TMEM132D: variants seen among roughly 807,000 people sequenced by gnomAD.
The protein encoded by TMEM132D is mature OL transmembrane protein.
Under a neutral mutation model 62.3 loss-of-function variants are expected in TMEM132D, and 21 were observed. That is an observed-to-expected ratio of 0.34 (90% CI 0.24 to 0.49). TMEM132D has a LOEUF of 0.49. Ranked by LOEUF, TMEM132D falls within the 20% of genes least tolerant of loss-of-function variation. The pLI is 0.99. For missense variants in TMEM132D, 1,346 were observed against 1,402.8 expected (o/e 0.96, Z 0.65); for synonymous variants, 621 against 575.6 (o/e 1.08, Z -1.13).
chr12:129,338,666 T>C (rs1476727530), intron 3 of TMEM132D, among the ~76,000 whole-genome samples: 3 of 152,210 alleles, frequency 2.0e-5, no homozygotes, highest in Non-Finnish European at 2.9e-5. Context: ...GAGGTACTTT[T>C]TAAAGCCTCA....
At chr12:129,674,190 G>A (rs1246232129) in intron 2 of TMEM132D, among the ~76,000 whole-genome samples, 1 of 152,178 alleles carries the variant, frequency 6.6e-6, no homozygotes, top group African/African-American at 2.4e-5. Context: ...TAATTCCGGA[G>A]GCATCAAAGA....
intron 4 of TMEM132D, among the ~76,000 whole-genome samples, chr12:129,282,757 C>G (rs899951160): frequency 6.6e-6 from 1 of 152,114 alleles, no homozygotes; most frequent in Non-Finnish European, 1.5e-5. Context: ...GACGGTTGTA[C>G]CCAGGAGACC....
At chr12:129,097,965 T>G (rs544088772) in intron 5 of TMEM132D, among the ~76,000 whole-genome samples, 9 of 152,246 alleles carry the variant, frequency 5.9e-5, no homozygotes, top group Non-Finnish European at 1.3e-4. Context: ...ACCTTTGGTG[T>G]TGTATCTGGA....
intron 3 of TMEM132D, among the ~76,000 whole-genome samples, chr12:129,497,162 G>C (rs542518329): frequency 6.6e-6 from 1 of 152,212 alleles, no homozygotes; most frequent in South Asian, 2.1e-4. Flanking sequence ...ACAAATATTA[G>C]CTGGGCGTGG....
chr12:129,261,369 G>A (rs60373958), intron 4 of TMEM132D, among the ~76,000 whole-genome samples: 3,013 of 152,224 alleles, frequency 0.02, 108 homozygotes, highest in African/African-American at 0.069. Context: ...GTCTCATGAG[G>A]TCTAATGGTT....
chr12:129,124,357 G>A (rs922703005), intron 5 of TMEM132D, among the ~76,000 whole-genome samples: 4 of 152,072 alleles, frequency 2.6e-5, no homozygotes, highest in Non-Finnish European at 4.4e-5. Flanking sequence ...ACATTTATGT[G>A]CATAAATGTT....
chr12:129,210,852 G>GAAA (rs1230522541), intron 4 of TMEM132D: 1 of 151,932 alleles, frequency 6.6e-6, no homozygotes, highest in Non-Finnish European at 1.5e-5. Flanking sequence ...CTTTTTTCAG[G>GAAA]CACACCTATG....
chr12:129,329,585 G>A (rs1042523988), intron 4 of TMEM132D, among the ~76,000 whole-genome samples: 3 of 152,170 alleles, frequency 2.0e-5, no homozygotes, highest in African/African-American at 7.2e-5. Context: ...GATCTTAGTG[G>A]GTGACTGTCA....
At chr12:129,424,846 A>T (rs958499046) in intron 3 of TMEM132D, among the ~76,000 whole-genome samples, 26 of 152,158 alleles carry the variant, frequency 1.7e-4, no homozygotes, top group African/African-American at 6.0e-4. Context: ...GTATAAAAAG[A>T]CTTTAAACTC....
At chr12:129,329,496 C>T (rs779602180) in intron 4 of TMEM132D, among the ~76,000 whole-genome samples, 1 of 152,050 alleles carries the variant, frequency 6.6e-6, no homozygotes, top group South Asian at 2.1e-4. Flanking sequence ...TGCTTTTATG[C>T]CAAAAATTCA....
chr12:129,615,127 G>A (rs1490878750), intron 2 of TMEM132D, among the ~76,000 whole-genome samples: 2 of 152,058 alleles, frequency 1.3e-5, no homozygotes, highest in African/African-American at 4.8e-5. Context: ...ACTGTCACAG[G>A]GCACAAACAC....
intron 1 of TMEM132D, among the ~76,000 whole-genome samples, chr12:129,901,185 G>A (rs1275846115): frequency 2.0e-5 from 3 of 152,196 alleles, no homozygotes; most frequent in Non-Finnish European, 2.9e-5. Context: ...GTGTGTGTCT[G>A]TGTGTTTACT....
chr12:129,369,851 G>T (rs975451513), intron 3 of TMEM132D, among the ~76,000 whole-genome samples: 2 of 152,188 alleles, frequency 1.3e-5, no homozygotes, highest in East Asian at 3.8e-4. Context: ...AGCAATTTTC[G>T]CATGCTTGTA....
chr12:129,590,379 A>G (rs1878155173), intron 2 of TMEM132D, among the ~76,000 whole-genome samples: 1 of 152,104 alleles, frequency 6.6e-6, no homozygotes, highest in African/African-American at 2.4e-5. Context: ...TTCTAATACA[A>G]TCACCATGCA....
chr12:129,430,464 T>C (rs1341017047), intron 3 of TMEM132D, among the ~76,000 whole-genome samples: 1 of 152,212 alleles, frequency 6.6e-6, no homozygotes, highest in Non-Finnish European at 1.5e-5. Context: ...CATTATAGAT[T>C]CTGCATATTA....
chr12:129,460,662 A>T (rs1284476160), intron 3 of TMEM132D, among the ~76,000 whole-genome samples: 3 of 152,206 alleles, frequency 2.0e-5, no homozygotes, highest in Non-Finnish European at 2.9e-5. Flanking sequence ...CCTATTAAAA[A>T]GTTTGCATTC....
At chr12:129,508,243 T>G (rs1223646353) in intron 3 of TMEM132D, among the ~76,000 whole-genome samples, 2 of 152,154 alleles carry the variant, frequency 1.3e-5, no homozygotes, top group African/African-American at 2.4e-5. Context: ...TACAATCCAT[T>G]GAAACCATCA....
intron 5 of TMEM132D, among the ~76,000 whole-genome samples, chr12:129,144,104 C>G (rs1373053977): frequency 6.6e-6 from 1 of 152,036 alleles, no homozygotes; most frequent in Admixed American, 6.6e-5. Context: ...ACTTCTAGCC[C>G]TGTGGTTTAG....
chr12:129,665,754 T>G (rs1229137865), intron 2 of TMEM132D, among the ~76,000 whole-genome samples: 3 of 152,160 alleles, frequency 2.0e-5, no homozygotes, highest in Non-Finnish European at 4.4e-5. Context: ...AGAAAACATG[T>G]ATTTTATATA....
Sources: allele counts gnomAD v4.1 joint callset (sites outside exome capture counted in the v4.1 genomes callset), GRCh38; gene constraint gnomAD v4.1.1; transcripts MANE v1.5; gene names NCBI Gene and HGNC (gene_info 2026-07-23, HGNC 2026-07-21).